Variants in RAPGEF5 observed in about 807,000 individuals in gnomAD.
The protein encoded by RAPGEF5 is Rap guanine nucleotide exchange factor 5.
RAPGEF5 carries 65 observed loss-of-function variants against 125.2 expected under a neutral mutation model. That is an observed-to-expected ratio of 0.52 (90% CI 0.43 to 0.64). The LOEUF (loss-of-function observed/expected upper bound fraction) is 0.64. Ranked by LOEUF, RAPGEF5 falls within the 30% of genes least tolerant of loss-of-function variation. The pLI is 0.00. For synonymous variants in RAPGEF5, 391 were observed against 385.9 expected, an observed-to-expected ratio of 1.01 and a Z score of -0.16; for missense variants, 958 against 1,048.1, an observed-to-expected ratio of 0.91 and a Z score of 1.19.
intron 9 of RAPGEF5, among the ~76,000 whole-genome samples, chr7:22,219,366 TG>T (rs35445168): frequency 6.6e-6 from 1 of 151,728 alleles, no homozygotes; most frequent in African/African-American, 2.4e-5. Context: ...CATAAGATAC[TG>T]GGAAAACTCC....
intron 10 of RAPGEF5, 189 bp from the exon 11 acceptor site, chr7:22,193,644 C>T (rs1785071218): frequency 1.3e-6 from 2 of 1,550,714 alleles, no homozygotes; most frequent in Non-Finnish European, 1.7e-6. Context: ...CAAAGACCCT[C>T]AGCCGGGAGC....
At chr7:22,335,753 A>G (rs956041110) in intron 1 of RAPGEF5, among the ~76,000 whole-genome samples, 2 of 152,062 alleles carry the variant, frequency 1.3e-5, no homozygotes, top group Non-Finnish European at 2.9e-5. Flanking sequence ...AGCTGTCCTA[A>G]AGGCAAATAT....
chr7:22,287,784 A>C (rs1782831782), intron 6 of RAPGEF5, among the ~76,000 whole-genome samples: 1 of 152,232 alleles, frequency 6.6e-6, no homozygotes, highest in Admixed American at 6.5e-5. Flanking sequence ...AGGTAGACTG[A>C]GTCCCACTGT....
In RAPGEF5 at chr7:22,291,400, T is replaced by C. The variant is rs190712701; in HGVS notation, c.681-159A>G. On this transcript the variant is annotated intron_variant, in intron 5 of 25. Coordinates refer to ENST00000665637, the MANE Select transcript of RAPGEF5 (RefSeq NM_012294.5). ...TTGTGACAGTAACTCCATAGGAACATAATCCTCTTGCAGGCCAAATGTTCT... is the reference window on the plus strand; with the variant it reads ...TTGTGACAGTAACTCCATAGGAACACAATCCTCTTGCAGGCCAAATGTTCT... 2.4e-3 allele frequency among the ~76,000 whole-genome samples: 359 copies of C among 152,334 alleles called. 1 individual carries two copies. Among genetic ancestry groups the C allele is most frequent in the African/African-American group, 8.3e-3 (346 of 41,570 alleles).
At chr7:22,229,170 C>T (rs1016334618) in intron 8 of RAPGEF5, among the ~76,000 whole-genome samples, 3 of 152,144 alleles carry the variant, frequency 2.0e-5, no homozygotes, top group Non-Finnish European at 4.4e-5. Flanking sequence ...TCACTCCACC[C>T]ACATGTGACA....
chr7:22,140,288 C>G (rs1783214558), intron 20 of RAPGEF5, among the ~76,000 whole-genome samples, 173 bp from the exon 21 acceptor site: 1 of 152,174 alleles, frequency 6.6e-6, no homozygotes, highest in South Asian at 2.1e-4. Context: ...GAAATGATTC[C>G]AAACGCCTCA....
chr7:22,183,435 GA>G (rs1369979494), intron 11 of RAPGEF5, among the ~76,000 whole-genome samples: 2 of 151,924 alleles, frequency 1.3e-5, no homozygotes, highest in African/African-American at 2.4e-5. Flanking sequence ...AGTTGTTCTA[GA>G]AAATTAGAAA....
intron 6 of RAPGEF5, among the ~76,000 whole-genome samples, chr7:22,287,523 G>C (rs560965174): frequency 3.3e-5 from 5 of 152,134 alleles, no homozygotes; most frequent in Admixed American, 6.5e-5. Flanking sequence ...GAATATACAA[G>C]AGGGCACGGT....
At position 22,205,054 on chromosome 7, in the gene RAPGEF5, T is replaced by A. The variant is rs552360720; in HGVS notation, c.997-11021A>T. ...TTTAAGTGAGGAATTAATATTAAAG[T>A]GATAACACATATGAAAAACAAATTC... On this transcript the variant is annotated intron_variant, in intron 9 of 25. Coordinates refer to ENST00000665637, the MANE Select transcript of RAPGEF5 (RefSeq NM_012294.5). 2.1e-4 allele frequency among the ~76,000 whole-genome samples: 32 copies of A among 152,304 alleles called. No individual in the cohort carries two copies. The South Asian group carries it at 6.6e-3, about 32-fold the overall frequency.
At chr7:22,226,554 T>C (rs1785923132) in intron 8 of RAPGEF5, among the ~76,000 whole-genome samples, 1 of 152,198 alleles carries the variant, frequency 6.6e-6, no homozygotes. Context: ...CTCTCCCTGT[T>C]AGGGATAGAA....
At chr7:22,262,799 C>CA (rs1562495400) in intron 7 of RAPGEF5, among the ~76,000 whole-genome samples, 1 of 152,090 alleles carries the variant, frequency 6.6e-6, no homozygotes, top group South Asian at 2.1e-4. Flanking sequence ...CTTGTCTCTA[C>CA]AAAAAATAAA....
At chr7:22,337,177 C>T (rs1425478237) in intron 1 of RAPGEF5, among the ~76,000 whole-genome samples, 1 of 152,088 alleles carries the variant, frequency 6.6e-6, no homozygotes, top group African/African-American at 2.4e-5. Flanking sequence ...TTTTCAAAGA[C>T]AGTTTGGTGG....
Position 22,140,242 on chromosome 7 carries a change from A to G in RAPGEF5, c.2187-127T>C, listed in dbSNP as rs1357296684. 3 of 769,638 alleles carry G rather than the reference A, an allele frequency of 3.9e-6. No individual in the cohort carries two copies. The African/African-American group carries it at 5.3e-5, about 14-fold the overall frequency. The allele number at this position is 769,638 out of a possible 1,614,324, so 47.7% of individuals were successfully genotyped here. A position where few individuals can be genotyped will look rare whatever the true frequency, so the allele number is the denominator to read the frequency against. Reference sequence around the variant, plus strand: ...AGGAATTCTGCTCTACAGCCTACGTACCCCTTACTGCCCTTCAGCTGTCTC... The same window carrying G: ...AGGAATTCTGCTCTACAGCCTACGTGCCCCTTACTGCCCTTCAGCTGTCTC... On this transcript the variant is annotated intron_variant, in intron 20 of 25. Transcript: ENST00000665637.
intron 17 of RAPGEF5, among the ~76,000 whole-genome samples, chr7:22,150,737 T>G (rs1204146042): frequency 6.6e-6 from 1 of 152,204 alleles, no homozygotes; most frequent in African/African-American, 2.4e-5. Context: ...TGCAGTTATT[T>G]CCTATAACAT....
chr7:22,301,823 T>C (rs1359076609), intron 5 of RAPGEF5, among the ~76,000 whole-genome samples: 1 of 152,162 alleles, frequency 6.6e-6, no homozygotes, highest in African/African-American at 2.4e-5. Context: ...ATGAACTGTA[T>C]GACATATTTT....
chr7:22,297,900 T>C (rs1783101785), intron 5 of RAPGEF5, among the ~76,000 whole-genome samples: 1 of 152,174 alleles, frequency 6.6e-6, no homozygotes, highest in Non-Finnish European at 1.5e-5. Context: ...TTGTATAAAG[T>C]CTTATCAGAT....
At chr7:22,262,782 G>A (rs1009083952) in intron 7 of RAPGEF5, among the ~76,000 whole-genome samples, 2 of 152,188 alleles carry the variant, frequency 1.3e-5, no homozygotes, top group African/African-American at 4.8e-5. Context: ...GAGCAACGTA[G>A]TGAGACCTTG....
intron 5 of RAPGEF5, among the ~76,000 whole-genome samples, chr7:22,300,042 C>T (rs1388701263): frequency 2.0e-5 from 3 of 149,822 alleles, no homozygotes; most frequent in African/African-American, 4.9e-5. Context: ...GGAAGCTTTT[C>T]GTCATTATTT....
Position 22,238,524 on chromosome 7 carries a change from T to C in RAPGEF5, c.797-7605A>G, listed in dbSNP as rs112107960. Among the ~76,000 whole-genome samples the C allele has an allele frequency of 4.4e-3, 677 of 152,320 alleles. 10 individuals carry two copies. Among genetic ancestry groups the C allele is most frequent in the South Asian group, 0.027 (128 of 4,822 alleles). On this transcript the variant is annotated intron_variant, in intron 7 of 25. Transcript: ENST00000665637. ...TCACCAACCAAAGCCAACTAGTCTA[T>C]AGGCTGGTGGCGTTGCCTTGTTAGG...
Sources: allele counts gnomAD v4.1 joint callset (sites outside exome capture counted in the v4.1 genomes callset), GRCh38; gene constraint gnomAD v4.1.1; transcripts MANE v1.5; gene names NCBI Gene and HGNC (gene_info 2026-07-23, HGNC 2026-07-21).